The following SCGN variants were observed in gnomAD, a reference collection of about 807,000 sequenced individuals.
SCGN encodes the protein secretagogin.
SCGN carries 30 observed loss-of-function variants against 39.7 expected under a neutral mutation model. That is an observed-to-expected ratio of 0.76 (90% CI 0.57 to 1.03). The LOEUF (loss-of-function observed/expected upper bound fraction) is 1.03. Ranked by LOEUF, SCGN falls within the 50% of genes least tolerant of loss-of-function variation. SCGN has a pLI of 0.00. For missense variants in SCGN, 353 were observed against 349.4 expected (o/e 1.01, Z -0.08); for synonymous variants, 106 against 114.1 (o/e 0.93, Z 0.45).
intron 1 of SCGN, among the ~76,000 whole-genome samples, 200 bp downstream of exon 1, chr6:25,652,685 T>C (rs1224938051): frequency 6.6e-6 from 1 of 152,174 alleles, no homozygotes; most frequent in Non-Finnish European, 1.5e-5. Flanking sequence ...AAATTCTGGG[T>C]GGTGAATTTC....
Position 25,658,002 on chromosome 6 carries a change from CCTTTTTTTTTTTTTTTTTTTTTT to C in SCGN, c.154-3549_154-3527del, listed in dbSNP as rs1760258211. 5.7e-4 allele frequency among the ~76,000 whole-genome samples: 27 copies of C among 47,674 alleles called. 2 individuals carry two copies. Among genetic ancestry groups the C allele is most frequent in the Admixed American group, 1.6e-3 (6 of 3,826 alleles). 31.3% of individuals were successfully genotyped at this position (47,674 alleles called of 152,430 possible). A position where few individuals can be genotyped will look rare whatever the true frequency, so the allele number is the denominator to read the frequency against. On this transcript the variant is annotated intron_variant, in intron 2 of 10. Transcript: ENST00000377961. ...GGTGTGTGTTCATTTAGAAAGGTAT[CCTTTTTTTTTTTTTTTTTTTTTT>C]TTTTTTTTTTTTTTTTTTTTTTTTT...
intron 10 of SCGN, among the ~76,000 whole-genome samples, chr6:25,699,245 A>G (rs77413879): frequency 0.016 from 2,481 of 152,270 alleles, 51 homozygotes; most frequent in Middle Eastern, 0.054. Flanking sequence ...ATTTGTGAAC[A>G]GAAGTTTTCT....
At chr6:25,682,712 C>T (rs1399961891) in intron 7 of SCGN, among the ~76,000 whole-genome samples, 2 of 152,192 alleles carry the variant, frequency 1.3e-5, no homozygotes, top group Non-Finnish European at 2.9e-5. Context: ...TGCTTCAGGG[C>T]AGGGCTCAAT....
chr6:25,663,300 G>T (rs1760371555), intron 3 of SCGN, among the ~76,000 whole-genome samples: 1 of 152,192 alleles, frequency 6.6e-6, no homozygotes, highest in South Asian at 2.1e-4. Flanking sequence ...ATGGGAAAAA[G>T]GCCACCCTTA....
intron 7 of SCGN, among the ~76,000 whole-genome samples, chr6:25,685,442 A>C (rs1254785922): frequency 6.6e-6 from 1 of 152,184 alleles, no homozygotes; most frequent in Admixed American, 6.5e-5. Context: ...GCCTGCAAAT[A>C]CTAAGAACAA....
At chr6:25,695,795 T>C (rs1292907874) in intron 10 of SCGN, among the ~76,000 whole-genome samples, 1 of 152,188 alleles carries the variant, frequency 6.6e-6, no homozygotes, top group Non-Finnish European at 1.5e-5. Flanking sequence ...CCTCCCAAAA[T>C]GCTGGTATTG....
intron 1 of SCGN, 47 bp from the exon 2 acceptor site, chr6:25,653,335 T>G: frequency 1.7e-6 from 2 of 1,203,664 alleles, no homozygotes; most frequent in Non-Finnish European, 1.2e-6. Context: ...TACTGTCATG[T>G]GTTTTTTATA....
intron 7 of SCGN, among the ~76,000 whole-genome samples, chr6:25,684,749 G>A (rs544983216): frequency 6.6e-6 from 1 of 152,302 alleles, no homozygotes; most frequent in Non-Finnish European, 1.5e-5. Context: ...GGCAGAGTTT[G>A]CAGTGAGCCA....
chr6:25,664,799 A>C (rs111961032), intron 3 of SCGN, 144 bp from the exon 4 acceptor site: 2 of 582,534 alleles, frequency 3.4e-6, no homozygotes, highest in Non-Finnish European at 6.1e-6. Flanking sequence ...AATCAAGAGC[A>C]CAGAACTGCA....
At chr6:25,687,319 A>G (rs1759718239) in intron 7 of SCGN, among the ~76,000 whole-genome samples, 1 of 152,174 alleles carries the variant, frequency 6.6e-6, no homozygotes, top group Admixed American at 6.5e-5. Context: ...CAGTGTATGA[A>G]CATGGGATGT....
At chr6:25,691,445 G>A (rs760167289) in intron 10 of SCGN, among the ~76,000 whole-genome samples, 6 of 152,074 alleles carry the variant, frequency 3.9e-5, no homozygotes, top group Non-Finnish European at 8.8e-5. Context: ...CTTCCCCTCA[G>A]ACTTGGTTAT....
intron 4 of SCGN, among the ~76,000 whole-genome samples, chr6:25,668,878 G>A (rs776671315): frequency 1.3e-5 from 2 of 152,144 alleles, no homozygotes; most frequent in Non-Finnish European, 2.9e-5. Context: ...TTGGGAGGCC[G>A]AGGCGGGCGG....
chr6:25,700,435 G>A (rs1759896658), intron 10 of SCGN, among the ~76,000 whole-genome samples: 1 of 152,092 alleles, frequency 6.6e-6, no homozygotes, highest in Admixed American at 6.5e-5. Context: ...GACTATTGAG[G>A]ACTGTCTCCA....
intron 9 of SCGN, among the ~76,000 whole-genome samples, chr6:25,690,457 A>G (rs1428739376): frequency 6.6e-6 from 1 of 152,248 alleles, no homozygotes; most frequent in African/African-American, 2.4e-5. Context: ...TTAAGAAATC[A>G]CAAAGAGAGT....
chr6:25,653,481 T>C (rs140403192), intron 2 of SCGN, 29 bp downstream of exon 2: 23 of 1,524,770 alleles, frequency 1.5e-5, no homozygotes, highest in African/African-American at 1.1e-4. Flanking sequence ...AGCCTTAATT[T>C]ATGCCTCTTA....
intron 4 of SCGN, among the ~76,000 whole-genome samples, chr6:25,666,589 G>A (rs1404407972): frequency 6.6e-6 from 1 of 152,088 alleles, no homozygotes; most frequent in African/African-American, 2.4e-5. Context: ...CACTGTTCTA[G>A]GTGCTGCAGA....
chr6:25,653,405 G>A lies in SCGN; in HGVS notation c.106G>A (p.Glu36Lys). ...ADEKGYIEEKELDAFFLHMLM... is the reference protein window; with the variant it reads ...ADEKGYIEEKKLDAFFLHMLM... ...AGAAAAAGGTTACATAGAAGAGAAG[G>A]AACTCGATGCTTTCTTTCTCCACAT... is the stretch of plus-strand genomic sequence containing the variant. Residue 36 changes from glutamate (E) to lysine (K), a missense_variant, in exon 2 of 11, where the codon GAA (glutamate) becomes AAA (lysine). Glu to Lys is a moderately conservative substitution (Grantham distance 56). Coordinates refer to ENST00000377961, the MANE Select transcript of SCGN (RefSeq NM_006998.4). The A allele has an allele frequency of 6.2e-7, 1 of 1,612,378 alleles. No individual in the cohort carries two copies. The highest frequency in any genetic ancestry group is 8.5e-7 in the Non-Finnish European group (1 of 1,178,756).
At chr6:25,682,663 C>T (rs1759652756) in intron 7 of SCGN, among the ~76,000 whole-genome samples, 1 of 152,188 alleles carries the variant, frequency 6.6e-6, no homozygotes, top group African/African-American at 2.4e-5. Context: ...CTGGAATACA[C>T]AGATATACCT....
intron 7 of SCGN, among the ~76,000 whole-genome samples, chr6:25,688,374 G>T (rs370936010): frequency 1.3e-5 from 2 of 152,168 alleles, no homozygotes; most frequent in African/African-American, 4.8e-5. Flanking sequence ...TTAGTTCAAT[G>T]GTCAGTTCAT....
Sources: gnomAD v4.1 joint callset for allele counts (sites outside exome capture counted in the v4.1 genomes callset) on GRCh38, gnomAD v4.1.1 for gene constraint, MANE v1.5 for transcripts, NCBI Gene and HGNC (gene_info 2026-07-23, HGNC 2026-07-21) for gene names.